The following CRAMP1 variants were observed in gnomAD, a reference collection of about 807,000 sequenced individuals.
The protein encoded by CRAMP1 is protein cramped-like.
A neutral mutation model predicts 115.4 loss-of-function variants in CRAMP1; 50 were observed. The observed-to-expected ratio is 0.43, with a 90% CI of 0.35 to 0.55. The LOEUF (loss-of-function observed/expected upper bound fraction) is 0.55, where lower values mean the gene tolerates loss of function less well. Among genes scored for constraint, CRAMP1 ranks in the 20% least tolerant of loss-of-function variants. The pLI is 0.01. For synonymous variants in CRAMP1, 866 were observed against 745.4 expected, an observed-to-expected ratio of 1.16 and a Z score of -2.64; for missense variants, 1,679 against 1,721.7, an observed-to-expected ratio of 0.98 and a Z score of 0.44.
rs749251381 is a variant in CRAMP1 at position 1,659,889 on chromosome 16, C to G, written c.2239C>G (p.Leu747Val). 4.0e-5 allele frequency: 64 copies of G among 1,613,234 alleles called. No homozygotes were observed. The highest frequency in any genetic ancestry group is 4.2e-5 in the Non-Finnish European group (49 of 1,179,812). ...GTTTGGCCCATTTCTGTCCTAGGCTCTGGAAGCAAACACCATCTCTACAGC... is the reference window on the plus strand; with the variant it reads ...GTTTGGCCCATTTCTGTCCTAGGCTGTGGAAGCAAACACCATCTCTACAGC... ...ISTEVNPKLA[L>V]EANTISTASV... Residue 747 changes from leucine to valine, a missense_variant, in exon 11 of 21, where the codon CTG becomes GTG. Leu to Val is a conservative substitution (Grantham distance 32). Coordinates refer to ENST00000397412, the MANE Select transcript of CRAMP1 (RefSeq NM_020825.4).
chr16:1,644,861 TTTTC>T (rs1255504841), intron 6 of CRAMP1, among the ~76,000 whole-genome samples: 1 of 152,082 alleles, frequency 6.6e-6, no homozygotes, highest in East Asian at 1.9e-4. Flanking sequence ...TGTACATTCT[TTTTC>T]TTTCTTTCCT....
chr16:1,618,987 CTGTT>C (rs2036443777), intron 2 of CRAMP1, among the ~76,000 whole-genome samples: 1 of 152,186 alleles, frequency 6.6e-6, no homozygotes, highest in African/African-American at 2.4e-5. Context: ...TCTGTGGTGT[CTGTT>C]GTTGTGAAGT....
intron 11 of CRAMP1, among the ~76,000 whole-genome samples, chr16:1,662,237 T>A (rs887408440): frequency 6.6e-6 from 1 of 152,204 alleles, no homozygotes; most frequent in Non-Finnish European, 1.5e-5. Context: ...CCCTGAGCAC[T>A]GAGCGAAGTG....
At chr16:1,652,874 A>C (rs956136752) in intron 7 of CRAMP1, among the ~76,000 whole-genome samples, 159 bp from the exon 8 acceptor site, 2 of 152,106 alleles carry the variant, frequency 1.3e-5, no homozygotes, top group African/African-American at 4.8e-5. Context: ...GAGCAGCTAC[A>C]TTGGAGTTTC....
chr16:1,642,310 G>A (rs954786110), intron 6 of CRAMP1, among the ~76,000 whole-genome samples: 3 of 152,252 alleles, frequency 2.0e-5, no homozygotes, highest in Non-Finnish European at 4.4e-5. Context: ...AGCAGTGCCT[G>A]CTGGGCCAGC....
chr16:1,652,417 A>G (rs1823278705), intron 6 of CRAMP1, 79 bp from the exon 7 acceptor site: 1 of 1,321,370 alleles, frequency 7.6e-7, no homozygotes, highest in African/African-American at 1.5e-5. Context: ...GGCCTGGCTC[A>G]GCGCCTCTCC....
chr16:1,665,915 C>G (rs2142206463), intron 14 of CRAMP1, 158 bp from the exon 15 acceptor site: 1 of 612,120 alleles, frequency 1.6e-6, no homozygotes, highest in East Asian at 2.8e-5. Context: ...TGACCTCTGA[C>G]TCCTCATGTT....
intron 3 of CRAMP1, among the ~76,000 whole-genome samples, chr16:1,628,920 A>G (rs542048094): frequency 6.6e-6 from 1 of 152,296 alleles, no homozygotes; most frequent in Non-Finnish European, 1.5e-5. Flanking sequence ...TACTTTGGGC[A>G]GTGCTGGGCA....
Position 1,670,691 on chromosome 16 carries a change from G to A in CRAMP1, c.3527G>A (p.Arg1176Gln), listed in dbSNP as rs771116293. The change falls in exon 20 of 21, where the codon CGG becomes CAG. Residue 1176 changes from arginine to glutamine, a missense_variant. Arg to Gln is a conservative substitution (Grantham distance 43, BLOSUM62 1). Transcript: ENST00000397412. The part of the protein sequence containing the change: ...FASFISPEKS[R>Q]KMLPTPIGTN... ...AGCTTCATCTCCCCAGAGAAGAGCC[G>A]GAAGATGTTGCCGACTCCCATTGGG... 4.3e-6 allele frequency: 7 copies of A among 1,613,854 alleles called. No homozygotes were observed. The highest frequency in any genetic ancestry group is 1.1e-5 in the South Asian group (1 of 91,086).
intron 13 of CRAMP1, among the ~76,000 whole-genome samples, chr16:1,663,536 G>A (rs945082178): frequency 6.6e-6 from 1 of 152,006 alleles, no homozygotes; most frequent in Non-Finnish European, 1.5e-5. Context: ...TATGGCCCAG[G>A]GACCACTTCC....
At chr16:1,667,440 C>T in intron 17 of CRAMP1, 40 bp downstream of exon 17, 4 of 1,537,544 alleles carry the variant, frequency 2.6e-6, no homozygotes, top group Non-Finnish European at 3.6e-6. Flanking sequence ...AGCAGCTGCC[C>T]CAGGACTCCC....
At position 1,658,935 on chromosome 16, in the gene CRAMP1, G is replaced by A. The variant is rs1399455114; in HGVS notation, c.2236-951G>A. Among the ~76,000 whole-genome samples the A allele has an allele frequency of 2.0e-5, 3 of 152,134 alleles. No homozygotes were observed. In the East Asian group the frequency reaches 5.8e-4, roughly 29 times the overall value. ...AAGAGAGCCGAGAGGCTGGGGTGCT[G>A]GCCGAGTCTTCCCAGCGGTGGTGGC... On this transcript the variant is annotated intron_variant, in intron 10 of 20. Transcript: ENST00000397412.
intron 6 of CRAMP1, among the ~76,000 whole-genome samples, chr16:1,651,451 C>T (rs2036722105): frequency 6.9e-6 from 1 of 143,986 alleles, no homozygotes; most frequent in Non-Finnish European, 1.5e-5. Context: ...ACACAGAGGT[C>T]ATGTTGAGGT....
chr16:1,643,298 T>C (rs1184589620), intron 6 of CRAMP1, among the ~76,000 whole-genome samples: 3 of 152,202 alleles, frequency 2.0e-5, no homozygotes, highest in Middle Eastern at 3.4e-3. Flanking sequence ...ATCCCAGCAC[T>C]TTGGGAGGCC....
At chr16:1,652,656 A>T (rs1035115267) in intron 7 of CRAMP1, 75 bp downstream of exon 7, 2 of 1,336,300 alleles carry the variant, frequency 1.5e-6, no homozygotes, top group African/African-American at 1.5e-5. Flanking sequence ...AGGCTGAGCT[A>T]CCGGGTTGCT....
At chr16:1,624,371 C>A (rs1007912895) in intron 2 of CRAMP1, among the ~76,000 whole-genome samples, 1 of 151,890 alleles carries the variant, frequency 6.6e-6, no homozygotes, top group African/African-American at 2.4e-5. Flanking sequence ...GTGATTATCT[C>A]ATTAGGAAAT....
chr16:1,652,989 A>G (rs1052605782), intron 7 of CRAMP1, 44 bp from the exon 8 acceptor site: 1 of 1,611,176 alleles, frequency 6.2e-7, no homozygotes, highest in Non-Finnish European at 8.5e-7. Context: ...TTTCTACCTT[A>G]AGGTTGGGCT....
intron 19 of CRAMP1, chr16:1,670,459 A>G: frequency 1.7e-6 from 1 of 582,888 alleles, no homozygotes; most frequent in Non-Finnish European, 3.1e-6. Flanking sequence ...AACAAGGTGC[A>G]TGTCTGTATG....
In CRAMP1 at chr16:1,665,080, G is replaced by T; in HGVS notation, c.2694G>T (p.Ser898=). The change falls in exon 14 of 21, where the codon TCG becomes TCT. Residue 898 remains serine, a synonymous_variant. Coordinates refer to ENST00000397412, the MANE Select transcript of CRAMP1 (RefSeq NM_020825.4). ...VVQRTLLPRP[S]ENQSHNVCSF... is the part of the protein sequence containing the mutation. ...AGAGAACACTGCTCCCTAGACCATCGGAAAACCAGTCCCACAACGTTTGTT... is the reference window on the plus strand; with the variant it reads ...AGAGAACACTGCTCCCTAGACCATCTGAAAACCAGTCCCACAACGTTTGTT... 2 of 1,612,734 alleles carry T rather than the reference G, an allele frequency of 1.2e-6. No individual in the cohort carries two copies. Among genetic ancestry groups the T allele is most frequent in the South Asian group, 2.2e-5 (2 of 91,030 alleles).
Sources: gnomAD v4.1 joint callset for allele counts (sites outside exome capture counted in the v4.1 genomes callset) on GRCh38, gnomAD v4.1.1 for gene constraint, MANE v1.5 for transcripts, NCBI Gene and HGNC (gene_info 2026-07-23, HGNC 2026-07-21) for gene names.